The following ATP6V0D1 variants were observed in gnomAD, a reference collection of about 807,000 sequenced individuals.
The protein encoded by ATP6V0D1 is ATPase H+ transporting V0 subunit d1, also known as V-type proton ATPase subunit d 1.
ATP6V0D1 carries 13 observed loss-of-function variants against 39.0 expected under a neutral mutation model. The ratio of observed to expected loss-of-function variants is 0.33; its 90% CI spans 0.22 to 0.53. The LOEUF is 0.53. Ranked by LOEUF, ATP6V0D1 falls within the 20% of genes least tolerant of loss-of-function variation. The pLI is 0.94. For missense variants in ATP6V0D1, 272 were observed against 470.9 expected, an observed-to-expected ratio of 0.58 and a Z score of 3.91; for synonymous variants, 191 against 191.2, an observed-to-expected ratio of 1.00 and a Z score of 0.01.
At chr16:67,468,687 T>C (rs2041349701) in intron 1 of ATP6V0D1, among the ~76,000 whole-genome samples, 2 of 152,012 alleles carry the variant, frequency 1.3e-5, no homozygotes, top group South Asian at 2.1e-4. Context: ...AAGTGTATTA[T>C]GCAATGTTTA....
At chr16:67,480,846 G>A in intron 1 of ATP6V0D1, 111 bp downstream of exon 1, 1 of 1,446,496 alleles carries the variant, frequency 6.9e-7, no homozygotes, top group Non-Finnish European at 9.3e-7. Context: ...AGGATTCCCA[G>A]AGAGGCCTCT....
chr16:67,453,425 C>T lies in ATP6V0D1; in HGVS notation c.302+119G>A. The T allele has an allele frequency of 8.1e-7, 1 of 1,231,272 alleles. No individual in the cohort carries two copies. Among genetic ancestry groups the T allele is most frequent in the Middle Eastern group, 2.5e-4 (1 of 4,020 alleles). The allele number at this position is 1,231,272 out of a possible 1,614,324, so 76.3% of individuals were successfully genotyped here. On this transcript the variant is annotated intron_variant, in intron 2 of 7. Coordinates refer to ENST00000290949, the MANE Select transcript of ATP6V0D1 (RefSeq NM_004691.5). The surrounding 1 kb of genome is among the most constrained non-coding windows in gnomAD (Gnocchi z 4.1). The stretch of plus-strand genomic sequence containing the variant: ...ACACCTGGCCTGACAGAGCTGCCAT[C>T]AGCTCTGACAGCTGACACAGGCACG...
intron 1 of ATP6V0D1, among the ~76,000 whole-genome samples, chr16:67,470,715 T>C (rs1290710660): frequency 2.0e-5 from 3 of 152,242 alleles, no homozygotes; most frequent in South Asian, 2.1e-4. Flanking sequence ...ACATCTGAGA[T>C]AGAATACTTC....
At chr16:67,439,390 A>C in intron 4 of ATP6V0D1, 39 bp from the exon 5 acceptor site, 1 of 1,600,446 alleles carries the variant, frequency 6.2e-7, no homozygotes, top group Non-Finnish European at 8.6e-7. Flanking sequence ...CAGGCAAGGA[A>C]GCTCTGGAGG....
chr16:67,466,322 C>T (rs939388741), intron 1 of ATP6V0D1, among the ~76,000 whole-genome samples: 1 of 94,498 alleles, frequency 1.1e-5, no homozygotes, highest in Non-Finnish European at 2.2e-5. Flanking sequence ...ATCTAGTAAA[C>T]ACATACACAC....
At chr16:67,445,072 G>A (rs909804036) in intron 2 of ATP6V0D1, among the ~76,000 whole-genome samples, 3 of 152,222 alleles carry the variant, frequency 2.0e-5, no homozygotes, top group Admixed American at 6.5e-5. Context: ...GGGGTGAAGA[G>A]CGTGAGAGCC....
At chr16:67,464,306 GGAA>G (rs1246576204) in intron 1 of ATP6V0D1, among the ~76,000 whole-genome samples, 8 of 152,194 alleles carry the variant, frequency 5.3e-5, no homozygotes, top group Non-Finnish European at 1.2e-4. Context: ...GTGAACAAAT[GGAA>G]GAATAGATAA....
chr16:67,460,963 G>A (rs1001438609), intron 1 of ATP6V0D1, among the ~76,000 whole-genome samples: 3 of 152,218 alleles, frequency 2.0e-5, no homozygotes, highest in Non-Finnish European at 1.5e-5. Context: ...AATCTCTCTG[G>A]AACCAGGCCC....
rs761877811 is a variant in ATP6V0D1 at position 67,453,494 on chromosome 16, G to A, written c.302+50C>T. The A allele has an allele frequency of 5.0e-6, 8 of 1,595,826 alleles. No individual in the cohort carries two copies. Among genetic ancestry groups the A allele is most frequent in the Non-Finnish European group, 6.9e-6 (8 of 1,167,154 alleles). On this transcript the variant is annotated intron_variant, in intron 2 of 7. Transcript: ENST00000290949. This position sits in a 1 kb window ranked among gnomAD's most constrained non-coding sequence, Gnocchi z 4.1. ...CACACTGAACCCAGCTCCTGCAGGT[G>A]TAGCTATCCTGCCCAGGTAAGAGAA...
At chr16:67,465,645 T>C (rs1036535257) in intron 1 of ATP6V0D1, among the ~76,000 whole-genome samples, 2 of 152,122 alleles carry the variant, frequency 1.3e-5, no homozygotes, top group Admixed American at 1.3e-4. Flanking sequence ...ATGAGGACGG[T>C]GTGGTGGGCA....
intron 2 of ATP6V0D1, among the ~76,000 whole-genome samples, chr16:67,451,550 G>C (rs1032069465): frequency 3.3e-5 from 5 of 152,180 alleles, no homozygotes; most frequent in African/African-American, 1.2e-4. Flanking sequence ...CCATCAGTGG[G>C]GATGGCTGAA....
At chr16:67,439,714 T>C in intron 4 of ATP6V0D1, 1 of 288,556 alleles carries the variant, frequency 3.5e-6, no homozygotes. Flanking sequence ...AAACCTCCCC[T>C]TCCTCAGCCT....
Position 67,438,699 on chromosome 16 carries a change from CGGGCAGATGTGGTGTCCAGGTGGCCAT to C in ATP6V0D1, c.895-37_895-11del. 1 of 1,614,220 alleles carries C rather than the reference CGGGCAGATGTGGTGTCCAGGTGGCCAT, an allele frequency of 6.2e-7. No homozygotes were observed. The highest frequency in any genetic ancestry group is 8.5e-7 in the Non-Finnish European group (1 of 1,180,036). On this transcript the variant is annotated splice_polypyrimidine_tract_variant and intron_variant, in intron 7 of 7. Transcript: ENST00000290949. ...ACTTGTTCAGCTTTACCTGTGGACA[CGGGCAGATGTGGTGTCCAGGTGGCCAT>C]GGCCACAGAGTCAGGTCTAAACCAC...
intron 1 of ATP6V0D1, among the ~76,000 whole-genome samples, chr16:67,474,879 T>C (rs964408435): frequency 1.3e-5 from 2 of 152,222 alleles, no homozygotes; most frequent in African/African-American, 4.8e-5. Context: ...TTTTGCCACC[T>C]ACACAGTTGC....
intron 1 of ATP6V0D1, among the ~76,000 whole-genome samples, chr16:67,470,067 A>C (rs915278580): frequency 1.3e-5 from 2 of 152,192 alleles, no homozygotes; most frequent in African/African-American, 4.8e-5. Flanking sequence ...CATTGTAAGA[A>C]TAGACCATGG....
intron 2 of ATP6V0D1, among the ~76,000 whole-genome samples, chr16:67,452,591 T>G (rs1042704424): frequency 6.6e-6 from 1 of 152,194 alleles, no homozygotes; most frequent in African/African-American, 2.4e-5. Context: ...TGCTTCACCA[T>G]ACTGCACACT....
intron 1 of ATP6V0D1, among the ~76,000 whole-genome samples, chr16:67,478,457 C>CA (rs939858505): frequency 4.6e-5 from 7 of 151,604 alleles, no homozygotes; most frequent in African/African-American, 9.7e-5. Flanking sequence ...CTAAAAAATA[C>CA]AAAAAAATTA....
chr16:67,450,766 G>A (rs532453089), intron 2 of ATP6V0D1, among the ~76,000 whole-genome samples: 1 of 152,318 alleles, frequency 6.6e-6, no homozygotes, highest in South Asian at 2.1e-4. Flanking sequence ...ATTCGGAAGG[G>A]AAGGTGCCTG....
chr16:67,442,894 C>G (rs548686137), intron 4 of ATP6V0D1, among the ~76,000 whole-genome samples: 145 of 152,244 alleles, frequency 9.5e-4, no homozygotes, highest in African/African-American at 3.3e-3. Flanking sequence ...TATCTGAGCC[C>G]GTCACAGGCA....
Sources: allele counts gnomAD v4.1 joint callset (sites outside exome capture counted in the v4.1 genomes callset), GRCh38; gene constraint gnomAD v4.1.1; non-coding constraint Gnocchi (gnomAD v3.1); transcripts MANE v1.5; gene names NCBI Gene and HGNC (gene_info 2026-07-23, HGNC 2026-07-21).